The following PRKCH variants were observed in gnomAD, a reference collection of about 807,000 sequenced individuals.
The protein encoded by PRKCH is protein kinase C eta, also known as protein kinase C eta type.
PRKCH carries 28 observed loss-of-function variants against 82.5 expected under a neutral mutation model. The observed-to-expected ratio is 0.34, with a 90% CI of 0.25 to 0.47. PRKCH has a LOEUF of 0.47. Ranked by LOEUF, PRKCH falls within the 20% of genes least tolerant of loss-of-function variation. The probability of loss-of-function intolerance (pLI) is 1.00; values close to 1 mark genes in which losing one functional copy is unlikely to be tolerated. For missense variants in PRKCH, 705 were observed against 881.8 expected, an observed-to-expected ratio of 0.80 and a Z score of 2.54; for synonymous variants, 322 against 327.4, an observed-to-expected ratio of 0.98 and a Z score of 0.18.
At chr14:61,419,224 A>G (rs149997190) in intron 2 of PRKCH, among the ~76,000 whole-genome samples, 3 of 152,364 alleles carry the variant, frequency 2.0e-5, no homozygotes, top group African/African-American at 7.2e-5. Flanking sequence ...GAAGCACAAC[A>G]CAAAAGAGTA....
At chr14:61,270,832 G>C (rs1374485767) in intron 1 of PRKCH, among the ~76,000 whole-genome samples, 4 of 152,154 alleles carry the variant, frequency 2.6e-5, no homozygotes, top group Non-Finnish European at 4.4e-5. Context: ...AAATTAGCTG[G>C]GTGTGATGGC....
chr14:61,370,504 AAAATG>A (rs1455206017), intron 1 of PRKCH, among the ~76,000 whole-genome samples: 1 of 152,012 alleles, frequency 6.6e-6, no homozygotes, highest in Non-Finnish European at 1.5e-5. Context: ...ACTGGGTAGA[AAAATG>A]AAAGGCCCAA....
intron 2 of PRKCH, among the ~76,000 whole-genome samples, chr14:61,395,379 G>A (rs368453602): frequency 6.6e-6 from 1 of 150,964 alleles, no homozygotes; most frequent in Non-Finnish European, 1.5e-5. Flanking sequence ...GCTCCTGGAA[G>A]CCACCTTAGA....
chr14:61,388,034 G>C (rs2046614523), intron 1 of PRKCH, among the ~76,000 whole-genome samples: 1 of 151,744 alleles, frequency 6.6e-6, no homozygotes, highest in African/African-American at 2.4e-5. Flanking sequence ...TGTAGTCCCA[G>C]CTATGTGGGA....
At chr14:61,527,862 C>CCGCCTGTCCATGG (rs891435413) in intron 10 of PRKCH, 2 of 119,206 alleles carry the variant, frequency 1.7e-5, no homozygotes, top group African/African-American at 6.5e-5. Flanking sequence ...CCTGCCCCAT[C>CCGCCTGTCCATGG]CGCCTGTCCA....
chr14:61,355,242 A>G (rs2046133126), intron 1 of PRKCH, among the ~76,000 whole-genome samples: 1 of 152,114 alleles, frequency 6.6e-6, no homozygotes, highest in African/African-American at 2.4e-5. Flanking sequence ...TTGCTTTTCT[A>G]TGCAAATCCT....
chr14:61,295,794 G>A (rs747146034), intron 1 of PRKCH, among the ~76,000 whole-genome samples: 24 of 152,152 alleles, frequency 1.6e-4, no homozygotes, highest in Non-Finnish European at 2.8e-4. Context: ...CTGCCCATTT[G>A]TGGAAATCAT....
intron 10 of PRKCH, among the ~76,000 whole-genome samples, chr14:61,489,227 A>C (rs1886357522): frequency 6.6e-6 from 1 of 152,146 alleles, no homozygotes; most frequent in African/African-American, 2.4e-5. Context: ...GAGCTAAAAT[A>C]ATCCCCCAGA....
At chr14:61,458,260 T>C (rs1383795583) in intron 9 of PRKCH, among the ~76,000 whole-genome samples, 1 of 152,252 alleles carries the variant, frequency 6.6e-6, no homozygotes, top group Admixed American at 6.5e-5. Context: ...CTGCAGTTAA[T>C]GGAACACTTG....
At chr14:61,386,794 G>A (rs1285320836) in intron 1 of PRKCH, among the ~76,000 whole-genome samples, 1 of 152,186 alleles carries the variant, frequency 6.6e-6, no homozygotes, top group Non-Finnish European at 1.5e-5. Flanking sequence ...GATGTTAGAA[G>A]GCATAGAGGG....
intron 1 of PRKCH, among the ~76,000 whole-genome samples, chr14:61,362,722 G>T (rs975483551): frequency 6.6e-6 from 1 of 152,252 alleles, no homozygotes; most frequent in African/African-American, 2.4e-5. Flanking sequence ...CACTCCTGAA[G>T]ATGCTTGTTC....
intron 1 of PRKCH, among the ~76,000 whole-genome samples, chr14:61,215,678 C>A (rs2044611154): frequency 1.3e-5 from 2 of 152,134 alleles, no homozygotes; most frequent in Admixed American, 6.5e-5. Flanking sequence ...AATTGTGTGA[C>A]TTTTTGAAGC....
intron 1 of PRKCH, among the ~76,000 whole-genome samples, chr14:61,188,704 A>AGTGTGTGT (rs754540967): frequency 0.063 from 5,300 of 84,238 alleles, 618 homozygotes; most frequent in East Asian, 0.078. Flanking sequence ...ACGTTGCTGT[A>AGTGTGTGT]GTGTGTGTGT....
chr14:61,539,383 C>T (rs1037529599), intron 12 of PRKCH, among the ~76,000 whole-genome samples: 1 of 152,172 alleles, frequency 6.6e-6, no homozygotes, highest in African/African-American at 2.4e-5. Context: ...TGAGCACTGC[C>T]CCTGCCCGCT....
chr14:61,537,479 A>C (rs1296563910), intron 12 of PRKCH: 1 of 152,154 alleles, frequency 6.6e-6, no homozygotes, highest in Non-Finnish European at 1.5e-5. Flanking sequence ...AAAGTCTATC[A>C]TTTTTTTAGG....
chr14:61,433,016 T>G (rs1373966026), intron 2 of PRKCH, among the ~76,000 whole-genome samples: 6 of 136,134 alleles, frequency 4.4e-5, no homozygotes, highest in Non-Finnish European at 6.1e-5. Context: ...GTCCTCTAAG[T>G]TCCCTCCCCT....
At chr14:61,220,919 T>C (rs1445775001) in intron 1 of PRKCH, among the ~76,000 whole-genome samples, 2 of 152,170 alleles carry the variant, frequency 1.3e-5, no homozygotes, top group African/African-American at 4.8e-5. Flanking sequence ...CAGCCCACGT[T>C]CTGGTAAGTC....
chr14:61,251,996 C>T (rs1281636514), intron 1 of PRKCH, among the ~76,000 whole-genome samples: 1 of 152,018 alleles, frequency 6.6e-6, no homozygotes, highest in Non-Finnish European at 1.5e-5. Context: ...CACGCCACCA[C>T]GCCCAGCTAA....
At chr14:61,343,254 A>C (rs78221524) in intron 1 of PRKCH, among the ~76,000 whole-genome samples, 2,750 of 151,604 alleles carry the variant, frequency 0.018, 73 homozygotes, top group African/African-American at 0.062. Context: ...GCTTAATGTA[A>C]CTTCAGTTAA....
Sources: gnomAD v4.1 joint callset for allele counts (sites outside exome capture counted in the v4.1 genomes callset) on GRCh38, gnomAD v4.1.1 for gene constraint, MANE v1.5 for transcripts, NCBI Gene and HGNC (gene_info 2026-07-23, HGNC 2026-07-21) for gene names.